DPYSL3: variants seen among roughly 807,000 people sequenced by gnomAD.
DPYSL3 encodes dihydropyrimidinase-related protein 3.
DPYSL3 carries 16 observed loss-of-function variants against 66.1 expected under a neutral mutation model. The observed-to-expected ratio is 0.24, with a 90% CI of 0.16 to 0.37. The LOEUF is 0.37. DPYSL3 is among the 10% of genes least tolerant of loss of function. The probability of loss-of-function intolerance (pLI) is 1.00; values close to 1 mark genes in which losing one functional copy is unlikely to be tolerated. For missense variants in DPYSL3, 738 were observed against 916.2 expected (o/e 0.81, Z 2.51); for synonymous variants, 338 against 345.1 (o/e 0.98, Z 0.23).
intron 1 of DPYSL3, among the ~76,000 whole-genome samples, chr5:147,426,102 G>A (rs1356117065): frequency 2.0e-5 from 3 of 151,978 alleles, no homozygotes; most frequent in Non-Finnish European, 4.4e-5. Flanking sequence ...GGAAAGTCTG[G>A]CAATAGAGAA....
intron 1 of DPYSL3, among the ~76,000 whole-genome samples, chr5:147,490,831 A>C (rs1213539863): frequency 6.6e-6 from 1 of 152,170 alleles, no homozygotes; most frequent in Admixed American, 6.5e-5. Context: ...TGCTAGATAC[A>C]GACAACTCAG....
chr5:147,443,323 CT>C (rs924773143), intron 1 of DPYSL3, among the ~76,000 whole-genome samples: 2 of 152,174 alleles, frequency 1.3e-5, no homozygotes, highest in African/African-American at 4.8e-5. Flanking sequence ...AGATCATGTC[CT>C]TTGCAGGGAC....
At chr5:147,501,647 A>G (rs1217169441) in intron 1 of DPYSL3, among the ~76,000 whole-genome samples, 3 of 151,728 alleles carry the variant, frequency 2.0e-5, no homozygotes, top group African/African-American at 7.3e-5. Flanking sequence ...CTTGGCTAAT[A>G]TTTGTATTTT....
rs780587505 is a variant in DPYSL3, at chr5:147,509,656, C to A, written c.203G>T (p.Gly68Val). The A allele has an allele frequency of 9.1e-6, 14 of 1,535,608 alleles. No homozygotes were observed. The African/African-American group carries it at 1.8e-4, about 20-fold the overall frequency. ...CCCCGATCCTCGGTCGCTGCCCTGG[C>A]CGCTCCGAGGAGTCTTCGCGCCCCG... ...GQRGAKTPRS[G>V]QGSDRGSGSR... is the part of the protein sequence containing the mutation. The change falls in exon 1 of 14, where the codon GGC becomes GTC. Residue 68 changes from glycine to valine, a missense_variant. Physicochemically the swap from Gly to Val is moderately radical, Grantham distance 109. Transcript: ENST00000343218. The surrounding 1 kb of genome is among the most constrained non-coding windows in gnomAD (Gnocchi z 5.3).
chr5:147,433,944 C>T (rs967728675), intron 1 of DPYSL3, among the ~76,000 whole-genome samples: 11 of 151,620 alleles, frequency 7.3e-5, no homozygotes, highest in East Asian at 5.9e-4. Context: ...GCAGGAGAAT[C>T]GCTTGAACCA....
intron 1 of DPYSL3, among the ~76,000 whole-genome samples, chr5:147,471,486 A>C (rs1025971243): frequency 5.9e-5 from 9 of 152,160 alleles, no homozygotes; most frequent in African/African-American, 2.2e-4. Flanking sequence ...TGAGAGAATA[A>C]AATGATTTTC....
intron 1 of DPYSL3, among the ~76,000 whole-genome samples, chr5:147,450,914 A>G (rs1561792993): frequency 6.6e-6 from 1 of 152,182 alleles, no homozygotes; most frequent in Non-Finnish European, 1.5e-5. Context: ...CCATGTTACC[A>G]TTTTTAAAAT....
chr5:147,413,248 T>A (rs763601168), intron 5 of DPYSL3, among the ~76,000 whole-genome samples: 35 of 152,106 alleles, frequency 2.3e-4, no homozygotes, highest in Non-Finnish European at 4.6e-4. Flanking sequence ...ATTATTCCAA[T>A]CAGCAGAAGG....
At chr5:147,479,702 C>G (rs1753209028) in intron 1 of DPYSL3, among the ~76,000 whole-genome samples, 1 of 152,106 alleles carries the variant, frequency 6.6e-6, no homozygotes, top group African/African-American at 2.4e-5. Context: ...GTCTTGAAGC[C>G]TGTTCTCCAC....
At chr5:147,396,867 A>G (rs920463636) in intron 12 of DPYSL3, among the ~76,000 whole-genome samples, 53 of 45,190 alleles carry the variant, frequency 1.2e-3, no homozygotes, top group African/African-American at 2.7e-3. Flanking sequence ...ATATGTGTGT[A>G]TATATATATA....
intron 7 of DPYSL3, among the ~76,000 whole-genome samples, chr5:147,407,557 C>T (rs1751729274): frequency 6.6e-6 from 1 of 152,182 alleles, no homozygotes; most frequent in South Asian, 2.1e-4. Context: ...ATTTTCCAGT[C>T]CTTCAAGTGT....
At chr5:147,475,895 C>A in intron 1 of DPYSL3, among the ~76,000 whole-genome samples, 1 of 152,044 alleles carries the variant, frequency 6.6e-6, no homozygotes, top group Non-Finnish European at 1.5e-5. Context: ...AACATATCCT[C>A]AAAAATGAAT....
chr5:147,498,098 C>T (rs563991294), intron 1 of DPYSL3, among the ~76,000 whole-genome samples: 6 of 152,238 alleles, frequency 3.9e-5, no homozygotes, highest in Admixed American at 3.3e-4. Flanking sequence ...ACCCTCCACC[C>T]TCCAATAGGC....
At chr5:147,479,015 A>G (rs1753200886) in intron 1 of DPYSL3, among the ~76,000 whole-genome samples, 1 of 152,176 alleles carries the variant, frequency 6.6e-6, no homozygotes, top group Non-Finnish European at 1.5e-5. Context: ...TGAGCAATAA[A>G]TTTTTGTGGA....
chr5:147,393,996 C>CG lies in DPYSL3; in HGVS notation c.*38_*39insC. 2 of 1,602,574 alleles carry CG rather than the reference C, an allele frequency of 1.2e-6. No homozygotes were observed. Among genetic ancestry groups the CG allele is most frequent in the Non-Finnish European group, 1.7e-6 (2 of 1,171,290 alleles). Reference sequence around the variant, plus strand: ...TGTACCATTTTGGCTTCAAAACAATCTCTTCTTGCTTCTGCCCCTCTCTTT... The same window carrying CG: ...TGTACCATTTTGGCTTCAAAACAATCGTCTTCTTGCTTCTGCCCCTCTCTTT... On this transcript the variant is annotated 3_prime_UTR_variant, in exon 14 of 14. Transcript: ENST00000343218.
chr5:147,463,517 G>A (rs1752965309), intron 1 of DPYSL3, among the ~76,000 whole-genome samples: 2 of 152,128 alleles, frequency 1.3e-5, no homozygotes, highest in African/African-American at 4.8e-5. Context: ...GGCATGAAGA[G>A]TCAAGATACA....
intron 1 of DPYSL3, among the ~76,000 whole-genome samples, chr5:147,444,935 A>C (rs1424591063): frequency 6.6e-6 from 1 of 151,910 alleles, no homozygotes; most frequent in Non-Finnish European, 1.5e-5. Flanking sequence ...TTGCTTTACA[A>C]ATGCAGATTG....
chr5:147,443,286 A>C (rs975119295), intron 1 of DPYSL3, among the ~76,000 whole-genome samples: 1 of 152,244 alleles, frequency 6.6e-6, no homozygotes. Context: ...TACACCATGG[A>C]ATACTATGCA....
At chr5:147,487,114 A>G (rs11956835) in intron 1 of DPYSL3, among the ~76,000 whole-genome samples, 3,587 of 151,978 alleles carry the variant, frequency 0.024, 142 homozygotes, top group African/African-American at 0.08. Context: ...CCTTTTTTCT[A>G]GCACTCCGGT....
Sources: allele counts gnomAD v4.1 joint callset (sites outside exome capture counted in the v4.1 genomes callset), GRCh38; gene constraint gnomAD v4.1.1; non-coding constraint Gnocchi (gnomAD v3.1); transcripts MANE v1.5; gene names NCBI Gene and HGNC (gene_info 2026-07-23, HGNC 2026-07-21).